CERS6: variants seen among roughly 807,000 people sequenced by gnomAD.
CERS6 encodes LAG1 homolog, ceramide synthase 6.
A neutral mutation model predicts 56.8 loss-of-function variants in CERS6; 26 were observed. The ratio of observed to expected loss-of-function variants is 0.46; its 90% CI spans 0.34 to 0.63. The LOEUF (loss-of-function observed/expected upper bound fraction) is 0.63, where lower values mean the gene tolerates loss of function less well. Among genes scored for constraint, CERS6 ranks in the 30% least tolerant of loss-of-function variants. The pLI is 0.01. For synonymous variants in CERS6, 164 were observed against 173.3 expected (o/e 0.95, Z 0.42); for missense variants, 415 against 467.5 (o/e 0.89, Z 1.04).
At chr2:168,462,648 C>A (rs1052593148) in intron 1 of CERS6, among the ~76,000 whole-genome samples, 1 of 152,130 alleles carries the variant, frequency 6.6e-6, no homozygotes, top group African/African-American at 2.4e-5. Flanking sequence ...AACAACCCTC[C>A]TACCTCATCC....
intron 4 of CERS6, among the ~76,000 whole-genome samples, chr2:168,676,074 C>CT (rs959452600): frequency 1.1e-4 from 17 of 152,222 alleles, no homozygotes; most frequent in African/African-American, 3.9e-4. Flanking sequence ...GTTCTTATTC[C>CT]TATTTCTACA....
intron 1 of CERS6, among the ~76,000 whole-genome samples, chr2:168,506,701 G>T (rs1694684066): frequency 6.6e-6 from 1 of 152,136 alleles, no homozygotes; most frequent in African/African-American, 2.4e-5. Context: ...TCTCAGTAAA[G>T]AGAATCTGAT....
At chr2:168,590,392 C>A (rs900694842) in intron 3 of CERS6, among the ~76,000 whole-genome samples, 3 of 152,098 alleles carry the variant, frequency 2.0e-5, no homozygotes, top group African/African-American at 7.2e-5. Flanking sequence ...TTGAAATAAA[C>A]TATCAGACTT....
At chr2:168,491,321 T>C (rs1241955597) in intron 1 of CERS6, among the ~76,000 whole-genome samples, 1 of 152,270 alleles carries the variant, frequency 6.6e-6, no homozygotes, top group Non-Finnish European at 1.5e-5. Context: ...TTGGCTGTTT[T>C]TCATTAAAAG....
At chr2:168,765,257 T>C (rs1559085622) in intron 8 of CERS6, among the ~76,000 whole-genome samples, 1 of 152,236 alleles carries the variant, frequency 6.6e-6, no homozygotes, top group Non-Finnish European at 1.5e-5. Context: ...ATGGCAGTGA[T>C]GGTTACACAA....
intron 1 of CERS6, among the ~76,000 whole-genome samples, chr2:168,501,772 C>T (rs897352034): frequency 1.3e-5 from 2 of 152,158 alleles, no homozygotes; most frequent in Non-Finnish European, 2.9e-5. Context: ...GTAGAATGGG[C>T]CAGATTTTTC....
chr2:168,710,093 G>A (rs182163461), intron 6 of CERS6, among the ~76,000 whole-genome samples: 1 of 152,224 alleles, frequency 6.6e-6, no homozygotes, highest in Admixed American at 6.5e-5. Context: ...CAAATGTTTT[G>A]TAGGACCAGG....
chr2:168,465,953 T>A (rs1190113643), intron 1 of CERS6, among the ~76,000 whole-genome samples: 1 of 152,182 alleles, frequency 6.6e-6, no homozygotes, highest in Non-Finnish European at 1.5e-5. Context: ...GGCTTGACAT[T>A]TTTCTAGTTA....
At chr2:168,465,625 C>T (rs1267352604) in intron 1 of CERS6, among the ~76,000 whole-genome samples, 2 of 152,152 alleles carry the variant, frequency 1.3e-5, no homozygotes, top group African/African-American at 4.8e-5. Flanking sequence ...TGAAATAAGA[C>T]AGTCACAAAA....
intron 6 of CERS6, among the ~76,000 whole-genome samples, chr2:168,704,246 T>G (rs1466536887): frequency 6.6e-6 from 1 of 152,118 alleles, no homozygotes; most frequent in African/African-American, 2.4e-5. Context: ...CAGGAGCCTC[T>G]TCTTCCAGTG....
At chr2:168,638,877 T>C (rs947298800) in intron 4 of CERS6, among the ~76,000 whole-genome samples, 1 of 152,164 alleles carries the variant, frequency 6.6e-6, no homozygotes, top group Non-Finnish European at 1.5e-5. Flanking sequence ...GGGGAAGATA[T>C]TGGGGATTCC....
At chr2:168,560,046 A>G (rs1042215992) in intron 2 of CERS6, among the ~76,000 whole-genome samples, 2 of 152,040 alleles carry the variant, frequency 1.3e-5, no homozygotes, top group African/African-American at 4.8e-5. Flanking sequence ...AGAGTGGACA[A>G]TTTACAACAA....
chr2:168,553,188 A>G (rs755151628), intron 2 of CERS6, among the ~76,000 whole-genome samples: 2 of 152,162 alleles, frequency 1.3e-5, no homozygotes, highest in Non-Finnish European at 2.9e-5. Flanking sequence ...ATAAAACTGA[A>G]TTAAATGAAA....
chr2:168,515,208 G>C (rs1476412365), intron 1 of CERS6, among the ~76,000 whole-genome samples: 1 of 152,068 alleles, frequency 6.6e-6, no homozygotes, highest in African/African-American at 2.4e-5. Flanking sequence ...AATTGCAAGA[G>C]AACATATTCC....
chr2:168,750,466 A>C (rs1684231230), intron 8 of CERS6, among the ~76,000 whole-genome samples: 1 of 152,178 alleles, frequency 6.6e-6, no homozygotes, highest in Non-Finnish European at 1.5e-5. Context: ...TATGTGTTTA[A>C]AATTACATCT....
intron 4 of CERS6, among the ~76,000 whole-genome samples, chr2:168,676,005 C>T (rs1686051346): frequency 6.6e-6 from 1 of 152,044 alleles, no homozygotes; most frequent in African/African-American, 2.4e-5. Context: ...TTTTCTAAAA[C>T]AAAAAATCAG....
intron 1 of CERS6, among the ~76,000 whole-genome samples, chr2:168,491,736 C>T (rs1327642750): frequency 6.6e-6 from 1 of 151,862 alleles, no homozygotes; most frequent in Non-Finnish European, 1.5e-5. Context: ...CACCCATCAA[C>T]TCATTAGGTA....
At chr2:168,697,155 G>A (rs188944240) in intron 6 of CERS6, among the ~76,000 whole-genome samples, 6 of 152,256 alleles carry the variant, frequency 3.9e-5, no homozygotes, top group African/African-American at 1.4e-4. Context: ...CTGGCAAAAA[G>A]CTATCTTTTC....
At chr2:168,581,166 G>A (rs994400513) in intron 3 of CERS6, among the ~76,000 whole-genome samples, 1 of 152,038 alleles carries the variant, frequency 6.6e-6, no homozygotes, top group African/African-American at 2.4e-5. Flanking sequence ...TTACAGGTGA[G>A]TGCCACTACA....
Sources: allele counts gnomAD v4.1 joint callset (sites outside exome capture counted in the v4.1 genomes callset), GRCh38; gene constraint gnomAD v4.1.1; transcripts MANE v1.5; gene names NCBI Gene and HGNC (gene_info 2026-07-23, HGNC 2026-07-21).